Variants in RAB31 observed in about 807,000 individuals in gnomAD.
RAB31 encodes ras-related protein Rab-31.
In RAB31, 21 loss-of-function variants were observed where a neutral mutation model predicts 25.6. The observed-to-expected ratio is 0.82, with a 90% CI of 0.58 to 1.18. The LOEUF (loss-of-function observed/expected upper bound fraction) is 1.18, where lower values mean the gene tolerates loss of function less well. Among genes scored for constraint, RAB31 ranks in the 50% most tolerant of loss-of-function variants. The pLI is 0.00. For synonymous variants in RAB31, 87 were observed against 84.0 expected, an observed-to-expected ratio of 1.04 and a Z score of -0.20; for missense variants, 196 against 250.1, an observed-to-expected ratio of 0.78 and a Z score of 1.46.
chr18:9,840,721 G>A (rs1217506323), intron 5 of RAB31, among the ~76,000 whole-genome samples: 1 of 152,140 alleles, frequency 6.6e-6, no homozygotes, highest in East Asian at 1.9e-4. Context: ...CTGCGAGACT[G>A]CCTCCCATTT....
rs74359848 is a variant in RAB31 at position 9,853,795 on chromosome 18, T to C, written c.491-5433T>C. Among the ~76,000 whole-genome samples, 1,279 of 152,226 alleles carry C rather than the reference T, an allele frequency of 8.4e-3. 22 individuals carry two copies. The highest frequency in any genetic ancestry group is 0.027 in the African/African-American group (1,129 of 41,530). ...TTGAAGATGAGGAGAGGAAGGTATA[T>C]GCCAATTCTCTATTTTTCACTCAAT... On this transcript the variant is annotated intron_variant, in intron 6 of 6. Coordinates refer to ENST00000578921, the MANE Select transcript of RAB31 (RefSeq NM_006868.4).
intron 3 of RAB31, among the ~76,000 whole-genome samples, chr18:9,811,399 CAG>C (rs2077327332): frequency 6.6e-6 from 1 of 152,192 alleles, no homozygotes; most frequent in Non-Finnish European, 1.5e-5. Context: ...CCTGGGGACT[CAG>C]ATTTCCAAAT....
At chr18:9,781,093 C>A (rs1054070896) in intron 2 of RAB31, among the ~76,000 whole-genome samples, 4 of 152,100 alleles carry the variant, frequency 2.6e-5, no homozygotes, top group African/African-American at 9.7e-5. Context: ...CTATTTAAGG[C>A]TCTCAATGGA....
chr18:9,823,298 A>G lies in RAB31; in HGVS notation c.380+8076A>G, dbSNP rs556439240. Among the ~76,000 whole-genome samples the G allele has an allele frequency of 3.9e-5, 6 of 152,196 alleles. No homozygotes were observed. The South Asian group carries it at 1.0e-3, about 26-fold the overall frequency. ...GTGGGCATGGGTTTGAAAGAGCAACATAAGGGACCCTGTGGTGTCGGCACT... is the reference window on the plus strand; with the variant it reads ...GTGGGCATGGGTTTGAAAGAGCAACGTAAGGGACCCTGTGGTGTCGGCACT... On this transcript the variant is annotated intron_variant, in intron 5 of 6. Transcript: ENST00000578921.
intron 2 of RAB31, among the ~76,000 whole-genome samples, chr18:9,790,547 T>C (rs546511279): frequency 2.0e-4 from 30 of 152,258 alleles, no homozygotes; most frequent in African/African-American, 7.0e-4. Flanking sequence ...CAAATATATT[T>C]TAAAGCTGTT....
chr18:9,812,373 G>A (rs2068577210), intron 3 of RAB31, among the ~76,000 whole-genome samples: 1 of 152,132 alleles, frequency 6.6e-6, no homozygotes, highest in Non-Finnish European at 1.5e-5. Flanking sequence ...GGTCAAATGG[G>A]ACACACATTT....
In RAB31 at chr18:9,837,059, G is replaced by A. The variant is rs558482447; in HGVS notation, c.381-8523G>A. On this transcript the variant is annotated intron_variant, in intron 5 of 6. Coordinates refer to ENST00000578921, the MANE Select transcript of RAB31 (RefSeq NM_006868.4). ...TGGGGAGATTCAGTGTGTGAAGAAC[G>A]GGGTGAGACACATGAAGAGAGTCAG... 2.0e-5 allele frequency among the ~76,000 whole-genome samples: 3 copies of A among 151,674 alleles called. 1 individual carries two copies. Among genetic ancestry groups the A allele is most frequent in the South Asian group, 4.2e-4 (2 of 4,790 alleles).
At chr18:9,742,960 A>G (rs746517022) in intron 1 of RAB31, among the ~76,000 whole-genome samples, 89 of 152,238 alleles carry the variant, frequency 5.8e-4, no homozygotes, top group Non-Finnish European at 1.1e-3. Flanking sequence ...AATGAAATAC[A>G]GTAGGATTTT....
intron 1 of RAB31, among the ~76,000 whole-genome samples, chr18:9,768,933 A>G (rs1026905233): frequency 6.6e-6 from 1 of 152,130 alleles, no homozygotes; most frequent in Admixed American, 6.5e-5. Context: ...TTTTCCCAAC[A>G]CCATTTATTA....
At chr18:9,789,487 C>T (rs183143960) in intron 2 of RAB31, among the ~76,000 whole-genome samples, 246 of 152,202 alleles carry the variant, frequency 1.6e-3, no homozygotes, top group African/African-American at 5.7e-3. Flanking sequence ...ACATATCACT[C>T]TGTATCCCAT....
intron 3 of RAB31, among the ~76,000 whole-genome samples, chr18:9,807,899 G>GCCGATTACTCAA (rs2068550377): frequency 6.6e-6 from 1 of 152,168 alleles, no homozygotes; most frequent in Non-Finnish European, 1.5e-5. Context: ...GATTACTTGA[G>GCCGATTACTCAA]CCCAGGAGGT....
intron 1 of RAB31, among the ~76,000 whole-genome samples, chr18:9,721,783 AGTAGGGGTGACAGGCGGT>A (rs2145459135): frequency 6.6e-6 from 1 of 152,160 alleles, no homozygotes; most frequent in African/African-American, 2.4e-5. Flanking sequence ...CTGATATTCT[AGTAGGGGTGACAGGCGGT>A]GCACAAATAC....
rs902504718 is a variant in RAB31, at chr18:9,760,645, CTCTG to C, written c.40-14626_40-14623del. Among the ~76,000 whole-genome samples the C allele has an allele frequency of 9.9e-5, 15 of 152,280 alleles. 1 individual carries two copies. Among genetic ancestry groups the C allele is most frequent in the African/African-American group, 3.6e-4 (15 of 41,554 alleles). On this transcript the variant is annotated intron_variant, in intron 1 of 6. Coordinates refer to ENST00000578921, the MANE Select transcript of RAB31 (RefSeq NM_006868.4). ...GGAGGTGTTCATGCTTCCCTTCTCC[CTCTG>C]TCTGTCGGGTCCCAGGACTAAGGAT... is the stretch of plus-strand genomic sequence containing the variant.
intron 1 of RAB31, among the ~76,000 whole-genome samples, chr18:9,750,846 T>C (rs2068231213): frequency 6.6e-6 from 1 of 152,178 alleles, no homozygotes; most frequent in Admixed American, 6.5e-5. Flanking sequence ...CCTACTGCAA[T>C]CTTCCTGCCT....
At chr18:9,754,132 A>T (rs755542240) in intron 1 of RAB31, among the ~76,000 whole-genome samples, 15 of 152,158 alleles carry the variant, frequency 9.9e-5, no homozygotes, top group Non-Finnish European at 1.8e-4. Context: ...GTCTAGCACT[A>T]TATCTTGTCC....
At chr18:9,761,728 C>T (rs750970024) in intron 1 of RAB31, among the ~76,000 whole-genome samples, 3 of 152,226 alleles carry the variant, frequency 2.0e-5, no homozygotes, top group Non-Finnish European at 4.4e-5. Flanking sequence ...CCTCTTCATG[C>T]ATGGCAGCTT....
At chr18:9,800,829 G>A (rs1031512627) in intron 3 of RAB31, among the ~76,000 whole-genome samples, 14 of 151,834 alleles carry the variant, frequency 9.2e-5, no homozygotes, top group African/African-American at 1.9e-4. Flanking sequence ...TCCGATTCAC[G>A]TACCATACAA....
intron 1 of RAB31, among the ~76,000 whole-genome samples, chr18:9,768,828 G>C (rs990409529): frequency 3.9e-5 from 6 of 152,104 alleles, no homozygotes; most frequent in Non-Finnish European, 8.8e-5. Context: ...GGGGTTTTAG[G>C]TCTTAGGTTT....
chr18:9,721,529 T>G (rs2145458951), intron 1 of RAB31, among the ~76,000 whole-genome samples: 1 of 151,860 alleles, frequency 6.6e-6, no homozygotes, highest in Admixed American at 6.6e-5. Flanking sequence ...GGCAGGAGAA[T>G]TGTTTTAACA....
Sources: allele counts gnomAD v4.1 joint callset (sites outside exome capture counted in the v4.1 genomes callset), GRCh38; gene constraint gnomAD v4.1.1; transcripts MANE v1.5; gene names NCBI Gene and HGNC (gene_info 2026-07-23, HGNC 2026-07-21).